SNX30: variants seen among roughly 807,000 people sequenced by gnomAD.
SNX30 encodes the protein sorting nexin-30.
In SNX30, 24 loss-of-function variants were observed where a neutral mutation model predicts 46.4. The observed-to-expected ratio is 0.52, with a 90% confidence interval of 0.37 to 0.73. The LOEUF is 0.73. Among genes scored for constraint, SNX30 ranks in the 30% least tolerant of loss-of-function variants. The pLI is 0.00. For missense variants in SNX30, 533 were observed against 555.7 expected (o/e 0.96, Z 0.41); for synonymous variants, 189 against 211.5 (o/e 0.89, Z 0.92).
At chr9:112,770,733 C>G (rs1020385700) in intron 1 of SNX30, among the ~76,000 whole-genome samples, 1 of 152,072 alleles carries the variant, frequency 6.6e-6, no homozygotes, top group African/African-American at 2.4e-5. Flanking sequence ...CGCGGTGGCT[C>G]ACGCCTGTAA....
At chr9:112,793,043 C>T (rs969014491) in intron 1 of SNX30, among the ~76,000 whole-genome samples, 2 of 151,930 alleles carry the variant, frequency 1.3e-5, no homozygotes, top group African/African-American at 4.8e-5. Context: ...TGAGCTAATG[C>T]CATTTTGAGT....
chr9:112,844,020 G>A (rs1840900607), intron 6 of SNX30, among the ~76,000 whole-genome samples: 1 of 152,176 alleles, frequency 6.6e-6, no homozygotes, highest in Admixed American at 6.5e-5. Flanking sequence ...GCTACAGTAT[G>A]GAGACTAGAT....
intron 1 of SNX30, among the ~76,000 whole-genome samples, chr9:112,760,279 C>G (rs1371051078): frequency 1.3e-5 from 2 of 152,076 alleles, no homozygotes; most frequent in Non-Finnish European, 2.9e-5. Flanking sequence ...GAGCTGGGAC[C>G]TTAGAGGAAG....
chr9:112,812,611 G>T (rs1183613942), intron 2 of SNX30, among the ~76,000 whole-genome samples: 1 of 152,058 alleles, frequency 6.6e-6, no homozygotes, highest in Non-Finnish European at 1.5e-5. Context: ...CATCAAGCAG[G>T]TTTTTCTTGC....
chr9:112,821,946 T>C (rs1007512157), intron 3 of SNX30, among the ~76,000 whole-genome samples: 3 of 152,058 alleles, frequency 2.0e-5, no homozygotes, highest in Non-Finnish European at 4.4e-5. Context: ...CTGGCTGGTT[T>C]TTAATTTTTT....
intron 3 of SNX30, among the ~76,000 whole-genome samples, chr9:112,818,183 C>CAA (rs1409746571): frequency 1.3e-5 from 2 of 148,248 alleles, no homozygotes; most frequent in East Asian, 2.0e-4. Flanking sequence ...AGAACCAGAG[C>CAA]AAAAGAAATT....
At chr9:112,805,578 C>G (rs1840213339) in intron 2 of SNX30, among the ~76,000 whole-genome samples, 1 of 152,214 alleles carries the variant, frequency 6.6e-6, no homozygotes. Flanking sequence ...AAGCAATTCT[C>G]TTGCCTCAGC....
chr9:112,808,932 A>C (rs760801837), intron 2 of SNX30, among the ~76,000 whole-genome samples: 1 of 152,212 alleles, frequency 6.6e-6, no homozygotes, highest in South Asian at 2.1e-4. Context: ...TATAAATACT[A>C]TTATCTTACA....
At chr9:112,771,386 G>A (rs1486524182) in intron 1 of SNX30, among the ~76,000 whole-genome samples, 1 of 152,150 alleles carries the variant, frequency 6.6e-6, no homozygotes, top group African/African-American at 2.4e-5. Flanking sequence ...TTGAAATGTG[G>A]TATTAAAAGG....
chr9:112,834,454 G>A (rs147889356), intron 4 of SNX30, among the ~76,000 whole-genome samples: 36 of 152,272 alleles, frequency 2.4e-4, no homozygotes, highest in African/African-American at 8.7e-4. Flanking sequence ...TATTATAAAT[G>A]ATATCACAAA....
At chr9:112,824,937 C>T (rs1288712552) in intron 3 of SNX30, among the ~76,000 whole-genome samples, 1 of 152,146 alleles carries the variant, frequency 6.6e-6, no homozygotes, top group Non-Finnish European at 1.5e-5. Flanking sequence ...ACTATTTAAT[C>T]CAGAACATTT....
At chr9:112,762,298 A>G (rs990184930) in intron 1 of SNX30, among the ~76,000 whole-genome samples, 1 of 152,162 alleles carries the variant, frequency 6.6e-6, no homozygotes, top group African/African-American at 2.4e-5. Flanking sequence ...GAAGGGGCAC[A>G]GAGGCGGGAA....
At position 112,868,897 on chromosome 9, in the gene SNX30, A is replaced by G; in HGVS notation, c.*54A>G. 6.4e-7 allele frequency: 1 copy of G among 1,551,748 alleles called. No individual in the cohort carries two copies. Among genetic ancestry groups the G allele is most frequent in the Non-Finnish European group, 8.9e-7 (1 of 1,123,412 alleles). ...ACCTACACAGGGCCTGGCACCCTAT[A>G]CCGGAATGTCCCTGCAGTGCCAGAG... On this transcript the variant is annotated 3_prime_UTR_variant, in exon 9 of 9. Transcript: ENST00000374232.
chr9:112,763,812 G>A (rs1479277475), intron 1 of SNX30, among the ~76,000 whole-genome samples: 1 of 149,644 alleles, frequency 6.7e-6, no homozygotes, highest in African/African-American at 2.5e-5. Context: ...TTGTGCCACT[G>A]CACTCCAGCC....
In SNX30 at chr9:112,812,514, A is replaced by G. The variant is rs550496397; in HGVS notation, c.349-5191A>G. ...AGTGATCTGCCCACCTTGGCCTCCCAAAGTGCTGGGATTACAGGTGTGAGC... is the reference window on the plus strand; with the variant it reads ...AGTGATCTGCCCACCTTGGCCTCCCGAAGTGCTGGGATTACAGGTGTGAGC... On this transcript the variant is annotated intron_variant, in intron 2 of 8. Coordinates refer to ENST00000374232, the MANE Select transcript of SNX30 (RefSeq NM_001012994.2). 2.0e-5 allele frequency among the ~76,000 whole-genome samples: 3 copies of G among 152,268 alleles called. No homozygotes were observed. The East Asian group carries it at 5.8e-4, about 29-fold the overall frequency.
At chr9:112,848,515 T>C (rs1304694377) in intron 6 of SNX30, among the ~76,000 whole-genome samples, 1 of 152,234 alleles carries the variant, frequency 6.6e-6, no homozygotes, top group Admixed American at 6.5e-5. Flanking sequence ...GAGCCACTGC[T>C]GTGCCATGAG....
At chr9:112,750,581 G>A (rs781592422), upstream of SNX30, 4 of 152,388 alleles carry the variant, frequency 2.6e-5, no homozygotes, top group African/African-American at 4.8e-5. Flanking sequence ...GACAGCCGCA[G>A]AGGCCCAGGG....
intron 2 of SNX30, among the ~76,000 whole-genome samples, chr9:112,813,073 G>C (rs1446775874): frequency 6.6e-6 from 1 of 152,090 alleles, no homozygotes; most frequent in Non-Finnish European, 1.5e-5. Context: ...CCTGAACCTG[G>C]GAGGTGTGGA....
chr9:112,832,856 A>T (rs1203034354), intron 4 of SNX30, among the ~76,000 whole-genome samples: 2 of 147,010 alleles, frequency 1.4e-5, no homozygotes, highest in African/African-American at 4.9e-5. Flanking sequence ...ATAATATATA[A>T]TAAATATAAT....
Sources: allele counts gnomAD v4.1 joint callset (sites outside exome capture counted in the v4.1 genomes callset), GRCh38; gene constraint gnomAD v4.1.1; transcripts MANE v1.5; gene names NCBI Gene and HGNC (gene_info 2026-07-23, HGNC 2026-07-21).